Variants in NKD2 observed in about 807,000 individuals in gnomAD.
The protein encoded by NKD2 is protein naked cuticle homolog 2.
In NKD2, 43 loss-of-function variants were observed where a neutral mutation model predicts 34.8. That is an observed-to-expected ratio of 1.24 (90% confidence interval 0.97 to 1.60). The LOEUF (loss-of-function observed/expected upper bound fraction) is 1.60. Among genes scored for constraint, NKD2 ranks in the 40% most tolerant of loss-of-function variants. NKD2 has a pLI of 0.00. For synonymous variants in NKD2, 278 were observed against 265.1 expected (o/e 1.05, Z -0.47); for missense variants, 675 against 627.1 (o/e 1.08, Z -0.82).
Position 1,035,373 on chromosome 5 carries a change from A to AG in NKD2, c.575-14dup. Reference sequence around the variant, plus strand: ...AAGGAGGGAGGGAGTGAGTAATGGCAGGACCCCCCTTTCAGACCGGGAGCC... The same window carrying AG: ...AAGGAGGGAGGGAGTGAGTAATGGCAGGGACCCCCCTTTCAGACCGGGAGCC... On this transcript the variant is annotated splice_polypyrimidine_tract_variant and intron_variant, in intron 7 of 9. Transcript: ENST00000296849. 6.4e-7 allele frequency: 1 copy of AG among 1,551,516 alleles called. No homozygotes were observed. The highest frequency in any genetic ancestry group is 8.7e-7 in the Non-Finnish European group (1 of 1,146,264).
At chr5:1,030,879 G>A (rs946276780) in intron 3 of NKD2, among the ~76,000 whole-genome samples, 2 of 152,206 alleles carry the variant, frequency 1.3e-5, no homozygotes, top group Non-Finnish European at 2.9e-5. Flanking sequence ...CAGCTCTGGG[G>A]GGCCCTTGGC....
At chr5:1,031,853 C>T (rs945326147) in intron 3 of NKD2, among the ~76,000 whole-genome samples, 1 of 152,084 alleles carries the variant, frequency 6.6e-6, no homozygotes, top group African/African-American at 2.4e-5. Context: ...GCATGGGGGC[C>T]CTGGCCAAGG....
intron 3 of NKD2, among the ~76,000 whole-genome samples, chr5:1,011,813 C>T (rs1401478660): frequency 6.6e-6 from 1 of 152,268 alleles, no homozygotes; most frequent in Admixed American, 6.5e-5. Context: ...CTTTCCCAGA[C>T]AGGTGTGTCT....
intron 4 of NKD2, 134 bp from the exon 5 acceptor site, chr5:1,033,238 G>T: frequency 1.1e-6 from 1 of 873,634 alleles, no homozygotes; most frequent in South Asian, 1.9e-5. Context: ...GGGGTCCCAA[G>T]ATCGGGCTCT....
At chr5:1,012,079 G>A (rs977057536) in intron 3 of NKD2, among the ~76,000 whole-genome samples, 1 of 152,254 alleles carries the variant, frequency 6.6e-6, no homozygotes. Context: ...ACTGCAGGGA[G>A]GATGGCTTCA....
intron 3 of NKD2, among the ~76,000 whole-genome samples, chr5:1,030,305 G>T (rs116206659): frequency 2.8e-4 from 42 of 151,920 alleles, no homozygotes; most frequent in African/African-American, 9.9e-4. Flanking sequence ...CTCCGCAGTG[G>T]CAGTGCCTGC....
At chr5:1,018,539 G>C (rs180998345) in intron 3 of NKD2, among the ~76,000 whole-genome samples, 175 of 152,198 alleles carry the variant, frequency 1.1e-3, no homozygotes, top group Middle Eastern at 3.4e-3. Context: ...ACGTGTGTTG[G>C]GGGGAGAGAC....
At chr5:1,028,392 G>T (rs940638049) in intron 3 of NKD2, among the ~76,000 whole-genome samples, 2 of 152,226 alleles carry the variant, frequency 1.3e-5, no homozygotes, top group Non-Finnish European at 2.9e-5. Context: ...GCCTCCGTGG[G>T]TTGGGGTCAG....
intron 9 of NKD2, 127 bp from the exon 10 acceptor site, chr5:1,037,678 T>C: frequency 6.5e-7 from 1 of 1,537,420 alleles, no homozygotes; most frequent in Non-Finnish European, 8.7e-7. Flanking sequence ...ACTGCAGACT[T>C]GGCTAACAGA....
chr5:1,036,527 G>A (rs2150751767), intron 9 of NKD2, 143 bp downstream of exon 9: 1 of 436,974 alleles, frequency 2.3e-6, no homozygotes, highest in South Asian at 3.7e-5. Flanking sequence ...ACCCCACCCA[G>A]GACGGCACCC....
Position 1,038,892 on chromosome 5 carries a change from TC to T in NKD2, c.*523del. 1 of 224,244 alleles carries T rather than the reference TC, an allele frequency of 4.5e-6. No individual in the cohort carries two copies. The highest frequency in any genetic ancestry group is 8.2e-6 in the Non-Finnish European group (1 of 121,286). The allele number at this position is 224,244 out of a possible 1,614,324, so 13.9% of individuals were successfully genotyped here. ...GTGCTTAGCAGGGAGCATCCGCGGCTCCCCGCAGGAGGCCAAGCAGCAGAAG... is the reference window on the plus strand; with the variant it reads ...GTGCTTAGCAGGGAGCATCCGCGGCTCCCGCAGGAGGCCAAGCAGCAGAAG... On this transcript the variant is annotated 3_prime_UTR_variant, in exon 10 of 10. Transcript: ENST00000296849. This position sits in a 1 kb window ranked among gnomAD's most constrained non-coding sequence, Gnocchi z 4.5.
chr5:1,036,511 C>A (rs1342831428), intron 9 of NKD2, 127 bp downstream of exon 9: 23 of 606,102 alleles, frequency 3.8e-5, no homozygotes, highest in Middle Eastern at 4.5e-4. Flanking sequence ...CAACCCCCCC[C>A]ACCCCACCCC....
intron 3 of NKD2, among the ~76,000 whole-genome samples, chr5:1,020,724 G>A (rs1369167857): frequency 6.7e-6 from 1 of 150,200 alleles, no homozygotes; most frequent in Non-Finnish European, 1.5e-5. Context: ...TTATTTCATG[G>A]GCAGGGCAGC....
intron 9 of NKD2, among the ~76,000 whole-genome samples, chr5:1,036,614 G>A (rs947680795): frequency 6.6e-6 from 1 of 151,960 alleles, no homozygotes; most frequent in African/African-American, 2.4e-5. Context: ...CAAGGCGGGC[G>A]TCCCGTCCAG....
chr5:1,030,252 G>C (rs1487386060), intron 3 of NKD2, among the ~76,000 whole-genome samples: 2 of 151,758 alleles, frequency 1.3e-5, no homozygotes, highest in Non-Finnish European at 2.9e-5. Flanking sequence ...CACAGTGACA[G>C]TGCCTGCGTC....
intron 3 of NKD2, among the ~76,000 whole-genome samples, chr5:1,012,901 A>G (rs961184346): frequency 3.3e-5 from 5 of 152,194 alleles, no homozygotes; most frequent in African/African-American, 1.2e-4. Context: ...TTTCTTGTAG[A>G]AGATCCTGGA....
chr5:1,035,933 C>CT (rs945411706), intron 8 of NKD2: 10 of 378,112 alleles, frequency 2.6e-5, no homozygotes, highest in Non-Finnish European at 4.2e-5. Flanking sequence ...GGCTGGGTGG[C>CT]TGGGGTGTGG....
chr5:1,037,002 AGT>A (rs1368072926), intron 9 of NKD2: 4 of 339,178 alleles, frequency 1.2e-5, no homozygotes, highest in Non-Finnish European at 2.2e-5. Context: ...GCAGGCAGGC[AGT>A]GTGGATGGCG....
intron 3 of NKD2, among the ~76,000 whole-genome samples, chr5:1,010,308 C>T (rs954194791): frequency 3.3e-5 from 5 of 152,198 alleles, no homozygotes; most frequent in African/African-American, 9.7e-5. Context: ...TGAACTGTAT[C>T]GGTGCAGACA....
Sources: gnomAD v4.1 joint callset for allele counts (sites outside exome capture counted in the v4.1 genomes callset) on GRCh38, gnomAD v4.1.1 for gene constraint, Gnocchi (gnomAD v3.1) non-coding constraint, MANE v1.5 for transcripts, NCBI Gene and HGNC (gene_info 2026-07-23, HGNC 2026-07-21) for gene names.